TFB1M: variants seen among roughly 807,000 people sequenced by gnomAD.
The protein encoded by TFB1M is dimethyladenosine transferase 1, mitochondrial.
Under a neutral mutation model 31.1 loss-of-function variants are expected in TFB1M, and 27 were observed. That is an observed-to-expected ratio of 0.87 (90% CI 0.64 to 1.20). The LOEUF (loss-of-function observed/expected upper bound fraction) is 1.20, where lower values mean the gene tolerates loss of function less well. TFB1M is among the 50% of genes most tolerant of loss of function. The pLI is 0.00. For synonymous variants in TFB1M, 166 were observed against 151.8 expected, an observed-to-expected ratio of 1.09 and a Z score of -0.69; for missense variants, 394 against 418.7, an observed-to-expected ratio of 0.94 and a Z score of 0.51.
intron 3 of TFB1M, among the ~76,000 whole-genome samples, chr6:155,298,031 C>T (rs1777254763): frequency 1.3e-5 from 2 of 152,246 alleles, no homozygotes; most frequent in African/African-American, 4.8e-5. Flanking sequence ...AAGGGCTGCA[C>T]ACAGCAGGTA....
chr6:155,309,695 C>A (rs1777937670), intron 2 of TFB1M, among the ~76,000 whole-genome samples: 1 of 152,084 alleles, frequency 6.6e-6, no homozygotes, highest in Non-Finnish European at 1.5e-5. Context: ...GGTGAGTATT[C>A]CCTATGTCCA....
downstream of TFB1M, chr6:155,253,221 G>C: frequency 1.8e-6 from 1 of 557,324 alleles, no homozygotes; most frequent in Admixed American, 3.1e-5. Context: ...AGACTTCTGG[G>C]AGAAACTAAA....
At chr6:155,265,576 A>T (rs961486667) in intron 5 of TFB1M, among the ~76,000 whole-genome samples, 1 of 151,544 alleles carries the variant, frequency 6.6e-6, no homozygotes, top group African/African-American at 2.4e-5. Flanking sequence ...TAACTATTTT[A>T]TCTTACTCTG....
the TFB1M span, among the ~76,000 whole-genome samples, chr6:155,247,724 C>G: frequency 6.6e-6 from 1 of 152,186 alleles, no homozygotes; most frequent in Non-Finnish European, 1.5e-5. Context: ...TCTTTAAAGT[C>G]AGACATTCCT....
chr6:155,285,185 T>C lies in TFB1M; in HGVS notation c.639A>G (p.Pro213=), dbSNP rs1180615112. 6.2e-7 allele frequency: 1 copy of C among 1,613,924 alleles called. No individual in the cohort carries two copies. The highest frequency in any genetic ancestry group is 1.3e-5 in the African/African-American group (1 of 74,942). ...LCNVRHIFTI[P]GQAFVPKPEV... ...CTGGTTTGGGGACAAAAGCTTGTCC[T>C]GGAATCGTAAAGATGTGTCGAACAT... The change falls in exon 5 of 7, where the codon CCA becomes CCG. Residue 213 remains proline, a synonymous_variant. Transcript: ENST00000367166.
At chr6:155,268,317 T>G (rs1289021328) in intron 5 of TFB1M, among the ~76,000 whole-genome samples, 3 of 152,164 alleles carry the variant, frequency 2.0e-5, no homozygotes, top group Non-Finnish European at 1.5e-5. Context: ...GCCTTCAAAC[T>G]CCTTCTTGAA....
chr6:155,281,719 C>A (rs1388133498), intron 5 of TFB1M, among the ~76,000 whole-genome samples: 6 of 52,174 alleles, frequency 1.2e-4, no homozygotes, highest in South Asian at 7.8e-4. Context: ...GAGACTCTGT[C>A]TCAAAAAAAA....
intron 5 of TFB1M, chr6:155,263,993 A>G (rs1436614075): frequency 6.6e-6 from 1 of 152,214 alleles, no homozygotes; most frequent in Non-Finnish European, 1.5e-5. Flanking sequence ...ACTTTAAAGA[A>G]CAACATATAA....
the TFB1M span, among the ~76,000 whole-genome samples, chr6:155,234,400 C>CTGGGACCACAGGCATG: frequency 6.6e-6 from 1 of 152,236 alleles, no homozygotes; most frequent in African/African-American, 2.4e-5. Context: ...TCGTTAGTGG[C>CTGGGACCACAGGCATG]TGGGACCACA....
At chr6:155,270,137 C>T (rs929038186) in intron 5 of TFB1M, among the ~76,000 whole-genome samples, 4 of 152,142 alleles carry the variant, frequency 2.6e-5, no homozygotes, top group Non-Finnish European at 4.4e-5. Context: ...AGATCTCAGG[C>T]GGCCAAATGG....
intron 2 of TFB1M, among the ~76,000 whole-genome samples, chr6:155,305,915 GA>G (rs1367539515): frequency 6.7e-6 from 1 of 150,028 alleles, no homozygotes; most frequent in Non-Finnish European, 1.5e-5. Flanking sequence ...ACATTGTTAA[GA>G]AAATAAAAAG....
In TFB1M at chr6:155,256,785, T is replaced by A. The variant is rs1162284853; in HGVS notation, c.*1051A>T. The A allele has an allele frequency of 6.2e-7, 1 of 1,614,116 alleles. No homozygotes were observed. Among genetic ancestry groups the A allele is most frequent in the Non-Finnish European group, 8.5e-7 (1 of 1,180,026 alleles). On this transcript the variant is annotated 3_prime_UTR_variant, in exon 7 of 7. Coordinates refer to ENST00000367166, the MANE Select transcript of TFB1M (RefSeq NM_016020.4). ...GCAGCCCTACTAAAGACATCGAAAT[T>A]CAGTTCCAGAGACTGAGGATTTCCG...
chr6:155,263,799 A>G (rs986749263), intron 5 of TFB1M, among the ~76,000 whole-genome samples: 1 of 152,200 alleles, frequency 6.6e-6, no homozygotes, highest in Non-Finnish European at 1.5e-5. Context: ...AATGCTGGCC[A>G]CTGTCTACAA....
At chr6:155,298,093 T>C (rs1406008785) in intron 3 of TFB1M, among the ~76,000 whole-genome samples, 1 of 152,228 alleles carries the variant, frequency 6.6e-6, no homozygotes, top group East Asian at 1.9e-4. Context: ...TCATTGAATG[T>C]GAAGAATAAT....
intron 5 of TFB1M, among the ~76,000 whole-genome samples, chr6:155,279,384 G>A (rs931589560): frequency 1.3e-5 from 2 of 152,130 alleles, no homozygotes; most frequent in Non-Finnish European, 2.9e-5. Context: ...GTTAACGACT[G>A]ACTAGTTCTG....
chr6:155,301,370 A>C (rs1472710073), intron 2 of TFB1M, among the ~76,000 whole-genome samples: 3 of 152,232 alleles, frequency 2.0e-5, no homozygotes, highest in Non-Finnish European at 4.4e-5. Context: ...CCTTTTAAAC[A>C]CTTCAAATGA....
intron 5 of TFB1M, chr6:155,276,423 T>C (rs768831945): frequency 1.3e-6 from 2 of 1,535,384 alleles, no homozygotes; most frequent in South Asian, 1.2e-5. Flanking sequence ...GGGTGCCAAA[T>C]GGGACTTTTA....
downstream of TFB1M, chr6:155,255,239 C>CT (rs1262211077): frequency 6.6e-6 from 1 of 152,200 alleles, no homozygotes; most frequent in African/African-American, 2.4e-5. Flanking sequence ...ATATTATCAA[C>CT]TTAACAATGG....
chr6:155,300,411 C>G (rs1303531032), intron 2 of TFB1M, among the ~76,000 whole-genome samples: 1 of 152,056 alleles, frequency 6.6e-6, no homozygotes, highest in South Asian at 2.1e-4. Flanking sequence ...GAAAATATAA[C>G]GATTTCAATA....
Sources: gnomAD v4.1 joint callset for allele counts (sites outside exome capture counted in the v4.1 genomes callset) on GRCh38, gnomAD v4.1.1 for gene constraint, MANE v1.5 for transcripts, NCBI Gene and HGNC (gene_info 2026-07-23, HGNC 2026-07-21) for gene names.